The following CES1 variants were observed in gnomAD, a reference collection of about 807,000 sequenced individuals.
CES1 encodes the protein carboxylesterase 1.
Under a neutral mutation model 53.0 loss-of-function variants are expected in CES1, and 50 were observed. That is an observed-to-expected ratio of 0.94 (90% CI 0.75 to 1.19). The LOEUF is 1.19. Ranked by LOEUF, CES1 falls within the 50% of genes most tolerant of loss-of-function variation. The pLI is 0.00. For synonymous variants in CES1, 202 were observed against 210.1 expected, an observed-to-expected ratio of 0.96 and a Z score of 0.33; for missense variants, 534 against 538.0, an observed-to-expected ratio of 0.99 and a Z score of 0.07.
chr16:55,819,437 A>G (rs2032078550), intron 7 of CES1, 98 bp downstream of exon 7: 1 of 892,014 alleles, frequency 1.1e-6, no homozygotes, highest in Non-Finnish European at 1.9e-6. Flanking sequence ...GAGTTGAGAA[A>G]TTGTCCCAGG....
chr16:55,827,680 T>A (rs541629654), intron 2 of CES1, among the ~76,000 whole-genome samples: 1 of 152,328 alleles, frequency 6.6e-6, no homozygotes, highest in South Asian at 2.1e-4. Context: ...CTTGGGGAAA[T>A]TAATTATGGT....
At chr16:55,828,490 C>T (rs1597090792) in intron 2 of CES1, among the ~76,000 whole-genome samples, 1 of 152,314 alleles carries the variant, frequency 6.6e-6, no homozygotes, top group East Asian at 1.9e-4. Context: ...TTATCTGTCT[C>T]CCCCTGCTAG....
intron 3 of CES1, among the ~76,000 whole-genome samples, chr16:55,824,392 G>A (rs544513488): frequency 3.1e-4 from 47 of 152,358 alleles, no homozygotes; most frequent in Admixed American, 2.3e-3. Context: ...GAAGAAGTGA[G>A]AGTGGCTAAA....
chr16:55,816,721 G>A (rs1257619830), intron 8 of CES1, among the ~76,000 whole-genome samples: 13 of 152,298 alleles, frequency 8.5e-5, no homozygotes, highest in African/African-American at 2.9e-4. Context: ...ACTGGACTGG[G>A]AGTCAGGAAA....
intron 9 of CES1, among the ~76,000 whole-genome samples, chr16:55,811,685 G>T (rs1240353526): frequency 6.6e-6 from 1 of 152,170 alleles, no homozygotes; most frequent in Non-Finnish European, 1.5e-5. Context: ...AAAACCTGGA[G>T]ACAAGCAGCC....
At chr16:55,809,452 A>C (rs1309279612) in intron 11 of CES1, among the ~76,000 whole-genome samples, 1 of 152,220 alleles carries the variant, frequency 6.6e-6, no homozygotes, top group African/African-American at 2.4e-5. Flanking sequence ...CCTAGCTTGC[A>C]GACTAGGCGA....
intron 3 of CES1, among the ~76,000 whole-genome samples, chr16:55,824,539 G>A (rs1471338662): frequency 6.6e-6 from 1 of 152,186 alleles, no homozygotes; most frequent in African/African-American, 2.4e-5. Context: ...TATCCAGGTG[G>A]GAAAATGGAG....
At chr16:55,811,300 G>A (rs1217191269) in intron 9 of CES1, among the ~76,000 whole-genome samples, 3 of 151,992 alleles carry the variant, frequency 2.0e-5, no homozygotes, top group East Asian at 3.9e-4. Flanking sequence ...GTGTGTGTCT[G>A]TGGCTGGGAT....
intron 8 of CES1, 78 bp from the exon 9 acceptor site, chr16:55,813,121 G>T: frequency 6.3e-7 from 1 of 1,593,016 alleles, no homozygotes. Flanking sequence ...GTCTGAGGGT[G>T]AGACCAGTAC....
At chr16:55,819,741 C>T (rs1230967317) in intron 6 of CES1, 102 bp from the exon 7 acceptor site, 3 of 974,392 alleles carry the variant, frequency 3.1e-6, no homozygotes, top group African/African-American at 3.3e-5. Context: ...GTACTAGTGG[C>T]AGGGAGCAGC....
chr16:55,824,660 G>A (rs532002459), intron 3 of CES1, among the ~76,000 whole-genome samples: 26 of 152,352 alleles, frequency 1.7e-4, no homozygotes, highest in African/African-American at 2.9e-4. Context: ...CACTGCAGGC[G>A]CCGGCCACAG....
intron 1 of CES1, among the ~76,000 whole-genome samples, chr16:55,830,101 C>A (rs1411611155): frequency 1.3e-5 from 2 of 152,218 alleles, no homozygotes; most frequent in Non-Finnish European, 2.9e-5. Context: ...GTCAACACCT[C>A]CCTCAAAGTG....
chr16:55,808,749 G>T (rs1326950651), intron 11 of CES1, among the ~76,000 whole-genome samples: 2 of 152,122 alleles, frequency 1.3e-5, no homozygotes, highest in African/African-American at 2.4e-5. Flanking sequence ...GAATATTAAA[G>T]TCTATTTAAC....
chr16:55,820,558 T>C, intron 5 of CES1, 79 bp from the exon 6 acceptor site: 1 of 1,608,900 alleles, frequency 6.2e-7, no homozygotes, highest in Admixed American at 1.7e-5. Context: ...AGGCTAGATC[T>C]ACTCCACTAT....
In CES1 at chr16:55,823,469, G is replaced by C. The variant is rs564326406; in HGVS notation, c.539+81C>G. On this transcript the variant is annotated intron_variant, in intron 4 of 13. Transcript: ENST00000360526. ...CTGTGGAACCTAGCTAAGCTCCCCT[G>C]AGGGCTGGCATGACAAGAGCTGGGT... 13 of 1,561,542 alleles carry C rather than the reference G, an allele frequency of 8.3e-6. No homozygotes were observed. In the East Asian group the frequency reaches 2.9e-4, roughly 35 times the overall value.
chr16:55,816,824 T>C (rs1378970701), intron 8 of CES1, 100 bp downstream of exon 8: 1 of 1,365,616 alleles, frequency 7.3e-7, no homozygotes, highest in African/African-American at 1.5e-5. Context: ...ACGCAGGAGT[T>C]ACTATAATTA....
chr16:55,823,437 T>C (rs145024754), intron 4 of CES1, 113 bp downstream of exon 4: 4 of 1,239,772 alleles, frequency 3.2e-6, no homozygotes, highest in Non-Finnish European at 3.5e-6. Flanking sequence ...GGGGCTTGGA[T>C]GCCTTACTGT....
intron 7 of CES1, among the ~76,000 whole-genome samples, chr16:55,818,236 C>G (rs1200469529): frequency 6.6e-6 from 1 of 152,214 alleles, no homozygotes; most frequent in Non-Finnish European, 1.5e-5. Flanking sequence ...TGTTTGTCCT[C>G]CTGGTCTTCC....
chr16:55,822,737 A>G (rs774753686), intron 4 of CES1, among the ~76,000 whole-genome samples: 1 of 151,976 alleles, frequency 6.6e-6, no homozygotes, highest in Non-Finnish European at 1.5e-5. Context: ...GGGAGGAGGG[A>G]GGACCAGGAA....
Sources: allele counts gnomAD v4.1 joint callset (sites outside exome capture counted in the v4.1 genomes callset), GRCh38; gene constraint gnomAD v4.1.1; transcripts MANE v1.5; gene names NCBI Gene and HGNC (gene_info 2026-07-23, HGNC 2026-07-21).